The following RAB40C variants were observed in gnomAD, a reference collection of about 807,000 sequenced individuals.
The protein encoded by RAB40C is ras-related protein Rab-40C.
Under a neutral mutation model 28.1 loss-of-function variants are expected in RAB40C, and 8 were observed. That is an observed-to-expected ratio of 0.28 (90% CI 0.17 to 0.51). The LOEUF is 0.51. Among genes scored for constraint, RAB40C ranks in the 20% least tolerant of loss-of-function variants. The pLI, the probability that RAB40C is intolerant of heterozygous loss-of-function variation, is 0.97. For missense variants in RAB40C, 288 were observed against 405.9 expected (o/e 0.71, Z 2.50); for synonymous variants, 201 against 171.7 (o/e 1.17, Z -1.34).
At chr16:595,537 G>A (rs1252739797) in intron 1 of RAB40C, among the ~76,000 whole-genome samples, 1 of 152,182 alleles carries the variant, frequency 6.6e-6, no homozygotes, top group Non-Finnish European at 1.5e-5. Flanking sequence ...GATGACCCTG[G>A]CTGGCATCTG....
chr16:598,994 G>A (rs2036192158), intron 1 of RAB40C, among the ~76,000 whole-genome samples: 1 of 152,170 alleles, frequency 6.6e-6, no homozygotes, highest in Non-Finnish European at 1.5e-5. Flanking sequence ...TGACTTCCTG[G>A]TCAGCAACGT....
chr16:620,324 T>G (rs891556784), intron 3 of RAB40C, among the ~76,000 whole-genome samples: 1 of 151,408 alleles, frequency 6.6e-6, no homozygotes, highest in African/African-American at 2.4e-5. Context: ...ACCCAGGAGG[T>G]GGAGGTTGCA....
intron 1 of RAB40C, among the ~76,000 whole-genome samples, chr16:598,686 G>C (rs1007133320): frequency 1.3e-5 from 2 of 152,118 alleles, no homozygotes; most frequent in African/African-American, 4.8e-5. Context: ...TGGCTGCAGT[G>C]AGTCTGACTG....
intron 1 of RAB40C, among the ~76,000 whole-genome samples, chr16:613,847 C>G (rs1055140998): frequency 6.6e-6 from 1 of 152,090 alleles, no homozygotes; most frequent in African/African-American, 2.4e-5. Flanking sequence ...CAGGTCTAGA[C>G]TTGGGTGACG....
At chr16:615,984 G>A (rs917796241) in intron 1 of RAB40C, among the ~76,000 whole-genome samples, 1 of 151,964 alleles carries the variant, frequency 6.6e-6, no homozygotes, top group Non-Finnish European at 1.5e-5. Context: ...AAGGCCGGGT[G>A]CAGTGGCTCA....
chr16:626,150 A>C (rs1188107277), intron 5 of RAB40C, 29 bp downstream of exon 5: 1 of 1,586,508 alleles, frequency 6.3e-7, no homozygotes, highest in Non-Finnish European at 8.6e-7. Context: ...GCCAGCCCTG[A>C]GGTCCCCGAA....
In RAB40C at chr16:628,781, C is replaced by T. The variant is rs1157864625; in HGVS notation, c.*1159C>T. ...ACGGTCACCATCGCCTGGGCCTGCC[C>T]ACAGCACTGGTGCTCACCTCTACCT... On this transcript the variant is annotated 3_prime_UTR_variant, in exon 6 of 6. Coordinates refer to ENST00000248139, the MANE Select transcript of RAB40C (RefSeq NM_021168.5). The T allele has an allele frequency of 6.5e-6, 1 of 153,082 alleles. No individual in the cohort carries two copies. Among genetic ancestry groups the T allele is most frequent in the Non-Finnish European group, 1.5e-5 (1 of 68,410 alleles). The allele number at this position is 153,082 out of a possible 1,614,324, so 9.5% of individuals were successfully genotyped here. A position where few individuals can be genotyped will look rare whatever the true frequency, so the allele number is the denominator to read the frequency against.
At chr16:600,706 T>C (rs1265910104) in intron 1 of RAB40C, among the ~76,000 whole-genome samples, 2 of 152,170 alleles carry the variant, frequency 1.3e-5, no homozygotes, top group African/African-American at 4.8e-5. Context: ...GAGCCGAGTT[T>C]GCACCACTAC....
rs760615654 is a variant in RAB40C at position 625,494 on chromosome 16, C to G, written c.327C>G (p.Ile109Met). 6.2e-6 allele frequency: 10 copies of G among 1,613,374 alleles called. No homozygotes were observed. Among genetic ancestry groups the G allele is most frequent in the Non-Finnish European group, 8.5e-6 (10 of 1,179,968 alleles). Residue 109 changes from isoleucine (I) to methionine (M), a missense_variant, in exon 4 of 6, where the codon ATC becomes ATG. Physicochemically the swap from Ile to Met is conservative, Grantham distance 10. Around this residue, in one of 3 missense-constraint regions of RAB40C, gnomAD observed 153 missense variants for 262.4 expected, o/e 0.58. Transcript: ENST00000248139. ...RWSFDGIDRWIKEIDEHAPGV... is the reference protein window; with the variant it reads ...RWSFDGIDRWMKEIDEHAPGV... ...CCTTTGACGGCATCGACCGCTGGAT[C>G]AAGGAGATCGATGAGGTAGGCCTGG...
Position 627,644 on chromosome 16 carries a change from G to A in RAB40C, c.*22G>A, listed in dbSNP as rs757529766. The A allele has an allele frequency of 3.9e-6, 6 of 1,554,394 alleles. No homozygotes were observed. Among genetic ancestry groups the A allele is most frequent in the Non-Finnish European group, 2.6e-6 (3 of 1,148,176 alleles). On this transcript the variant is annotated 3_prime_UTR_variant, in exon 6 of 6. Transcript: ENST00000248139. ...CTAGCGGGGATGGGCGGGGCCGCCT[G>A]TGCAGATGCCAGGAGGGCTCGAGCT... is the stretch of plus-strand genomic sequence containing the variant.
chr16:607,263 G>A (rs943518646), intron 1 of RAB40C, among the ~76,000 whole-genome samples: 5 of 151,874 alleles, frequency 3.3e-5, no homozygotes, highest in South Asian at 2.1e-4. Context: ...TTGGGAGGCC[G>A]AGGTGGGTGG....
In RAB40C at chr16:590,266, C is replaced by A. The variant is rs779225337; in HGVS notation, c.-26C>A. 6.8e-5 allele frequency: 99 copies of A among 1,448,350 alleles called. No individual in the cohort carries two copies. The highest frequency in any genetic ancestry group is 8.9e-5 in the Non-Finnish European group (98 of 1,099,320). The allele number at this position is 1,448,350 out of a possible 1,614,324, so 89.7% of individuals were successfully genotyped here. On this transcript the variant is annotated 5_prime_UTR_variant, in exon 1 of 6. Transcript: ENST00000248139. ...ACCCGGCGGTGCTTCGGCAGGCGGC[C>A]GGCGCGGGGCGCAGGCGGCGCGGCC...
Position 610,491 on chromosome 16 carries a change from G to A in RAB40C, c.143-6717G>A, listed in dbSNP as rs1567189332. On this transcript the variant is annotated intron_variant, in intron 1 of 5. Coordinates refer to ENST00000248139, the MANE Select transcript of RAB40C (RefSeq NM_021168.5). The surrounding 1 kb of genome is among the most constrained non-coding windows in gnomAD (Gnocchi z 4.6). ...CACGGAGCAGCTGACCTTCACTGGC[G>A]CCCTTGCCTTTTCACTGAGCCGGGT... is the stretch of plus-strand genomic sequence containing the variant. Among the ~76,000 whole-genome samples, 1 of 152,258 alleles carries A rather than the reference G, an allele frequency of 6.6e-6. No individual in the cohort carries two copies. The highest frequency in any genetic ancestry group is 1.9e-4 in the East Asian group (1 of 5,180).
chr16:626,226 G>T (rs936867653), intron 5 of RAB40C, 105 bp downstream of exon 5: 5 of 1,225,422 alleles, frequency 4.1e-6, no homozygotes, highest in Non-Finnish European at 5.8e-6. Flanking sequence ...GTTCAGGCAG[G>T]TCCCTTGGCA....
chr16:591,772 A>G (rs1437691666), intron 1 of RAB40C, among the ~76,000 whole-genome samples: 3 of 151,706 alleles, frequency 2.0e-5, no homozygotes, highest in African/African-American at 4.8e-5. Context: ...TGTTGTGTGT[A>G]TTTTAGTAGA....
At chr16:615,926 C>T (rs1270001698) in intron 1 of RAB40C, among the ~76,000 whole-genome samples, 5 of 151,882 alleles carry the variant, frequency 3.3e-5, no homozygotes, top group African/African-American at 1.2e-4. Flanking sequence ...TGTGGCACTG[C>T]ACTGCAGCCT....
At chr16:617,180 C>T (rs1274856274) in intron 1 of RAB40C, 28 bp from the exon 2 acceptor site, 2 of 1,611,840 alleles carry the variant, frequency 1.2e-6, no homozygotes, top group Non-Finnish European at 1.7e-6. Flanking sequence ...AGTGGCGCGT[C>T]CCCTCAGCGC....
In RAB40C at chr16:590,232, C is replaced by G; in HGVS notation, c.-60C>G. Reference sequence around the variant, plus strand: ...GTGCGGGGCGCGGGCTCTCTCACGCCGCGGCCTCACCCGGCGGTGCTTCGG... The same window carrying G: ...GTGCGGGGCGCGGGCTCTCTCACGCGGCGGCCTCACCCGGCGGTGCTTCGG... On this transcript the variant is annotated 5_prime_UTR_variant, in exon 1 of 6. Transcript: ENST00000248139. 7.8e-7 allele frequency: 1 copy of G among 1,283,658 alleles called. No individual in the cohort carries two copies. The highest frequency in any genetic ancestry group is 9.9e-7 in the Non-Finnish European group (1 of 1,010,614). The allele number at this position is 1,283,658 out of a possible 1,614,324, so 79.5% of individuals were successfully genotyped here.
intron 1 of RAB40C, among the ~76,000 whole-genome samples, chr16:595,235 C>T (rs1242042427): frequency 6.6e-6 from 1 of 152,186 alleles, no homozygotes; most frequent in Non-Finnish European, 1.5e-5. Flanking sequence ...CACCGGTGGG[C>T]GCTTTCCGCT....
Sources: allele counts gnomAD v4.1 joint callset (sites outside exome capture counted in the v4.1 genomes callset), GRCh38; gene constraint gnomAD v4.1.1; regional missense constraint gnomAD v4.1.1; non-coding constraint Gnocchi (gnomAD v3.1); transcripts MANE v1.5; gene names NCBI Gene and HGNC (gene_info 2026-07-23, HGNC 2026-07-21).